The following CEP112 variants were observed in gnomAD, a reference collection of about 807,000 sequenced individuals.
The protein encoded by CEP112 is centrosomal protein 112.
CEP112 carries 127 observed loss-of-function variants against 153.0 expected under a neutral mutation model. That is an observed-to-expected ratio of 0.83 (90% CI 0.72 to 0.96). The LOEUF is 0.96. CEP112 is among the 40% of genes least tolerant of loss of function. The pLI, the probability that CEP112 is intolerant of heterozygous loss-of-function variation, is 0.00. For missense variants in CEP112, 1,089 were observed against 1,101.2 expected (o/e 0.99, Z 0.16); for synonymous variants, 358 against 374.4 (o/e 0.96, Z 0.51).
At chr17:65,953,387 C>G (rs1383069928) in intron 18 of CEP112, among the ~76,000 whole-genome samples, 1 of 152,158 alleles carries the variant, frequency 6.6e-6, no homozygotes, top group Non-Finnish European at 1.5e-5. Context: ...TATGGAGACT[C>G]ACATCGTGAA....
intron 17 of CEP112, among the ~76,000 whole-genome samples, chr17:65,998,352 C>T (rs2063869969): frequency 7.7e-6 from 1 of 129,298 alleles, no homozygotes; most frequent in South Asian, 2.4e-4. Context: ...CACTGCTGTC[C>T]AGCCTAGGTG....
chr17:65,909,674 AACAAACATTAAAT>A (rs1227041332), intron 19 of CEP112, among the ~76,000 whole-genome samples: 1 of 152,216 alleles, frequency 6.6e-6, no homozygotes, highest in Non-Finnish European at 1.5e-5. Flanking sequence ...AAAGAACAAA[AACAAACATTAAAT>A]ACAGAACATG....
intron 17 of CEP112, among the ~76,000 whole-genome samples, chr17:65,997,790 T>TC (rs5821560): frequency 5.3e-4 from 79 of 149,816 alleles, no homozygotes; most frequent in African/African-American, 1.7e-3. Flanking sequence ...ACCCTAAACA[T>TC]CCCCCCCCCC....
At chr17:66,030,251 G>A (rs2065406777) in intron 12 of CEP112, among the ~76,000 whole-genome samples, 1 of 152,112 alleles carries the variant, frequency 6.6e-6, no homozygotes, top group African/African-American at 2.4e-5. Flanking sequence ...TTAGCCTTTT[G>A]TTCATTTAAT....
intron 20 of CEP112, among the ~76,000 whole-genome samples, chr17:65,864,137 CAAA>C (rs71160507): frequency 7.3e-6 from 1 of 137,162 alleles, no homozygotes; most frequent in Non-Finnish European, 1.5e-5. Context: ...TGAGACTCCT[CAAA>C]AAAAAAAAAA....
intron 17 of CEP112, among the ~76,000 whole-genome samples, chr17:65,963,740 T>A (rs2062307227): frequency 6.6e-6 from 1 of 152,038 alleles, no homozygotes; most frequent in Admixed American, 6.6e-5. Context: ...CCCACCCCTG[T>A]ATTTGGGATC....
rs867079902 is a variant in CEP112, at chr17:65,937,832, G to A, written c.1873-10143C>T. Among the ~76,000 whole-genome samples, 203 of 108,110 alleles carry A rather than the reference G, an allele frequency of 1.9e-3. 27 individuals carry two copies. Among genetic ancestry groups the A allele is most frequent in the Admixed American group, 4.9e-3 (42 of 8,582 alleles). The allele number at this position is 108,110 out of a possible 152,430, so 70.9% of individuals were successfully genotyped here. On this transcript the variant is annotated intron_variant, in intron 18 of 26. Transcript: ENST00000535342. ...CCCCGCCCGGCCAGCCGCCCCGTCCGGGAGGTGAGGGGCGCCTCTGCCCGG... is the reference window on the plus strand; with the variant it reads ...CCCCGCCCGGCCAGCCGCCCCGTCCAGGAGGTGAGGGGCGCCTCTGCCCGG...
chr17:65,985,318 G>A (rs2063367554), intron 17 of CEP112, among the ~76,000 whole-genome samples: 1 of 152,084 alleles, frequency 6.6e-6, no homozygotes, highest in Non-Finnish European at 1.5e-5. Context: ...TTGGTACAAA[G>A]AAAACACCCT....
intron 19 of CEP112, among the ~76,000 whole-genome samples, chr17:65,912,133 A>G (rs2060312012): frequency 6.6e-6 from 1 of 152,164 alleles, no homozygotes; most frequent in Non-Finnish European, 1.5e-5. Context: ...TTCACTCATC[A>G]GTCTTGGACA....
At chr17:66,031,795 T>C (rs1048466698) in intron 12 of CEP112, among the ~76,000 whole-genome samples, 1 of 152,098 alleles carries the variant, frequency 6.6e-6, no homozygotes, top group African/African-American at 2.4e-5. Context: ...ACTTGAGAAC[T>C]TCTAAGGCAG....
At chr17:65,937,539 G>A (rs1271926415) in intron 18 of CEP112, among the ~76,000 whole-genome samples, 42 of 115,388 alleles carry the variant, frequency 3.6e-4, no homozygotes, top group East Asian at 2.1e-3. Flanking sequence ...CCCTCTGCCC[G>A]GCCAGCCGCC....
intron 8 of CEP112, among the ~76,000 whole-genome samples, chr17:66,086,721 T>C (rs2067952823): frequency 6.6e-6 from 1 of 151,958 alleles, no homozygotes; most frequent in Non-Finnish European, 1.5e-5. Flanking sequence ...AAGGAAAACA[T>C]ATGTTTATAG....
chr17:65,936,177 A>C (rs1489230026), intron 18 of CEP112, among the ~76,000 whole-genome samples: 2 of 152,196 alleles, frequency 1.3e-5, no homozygotes, highest in Non-Finnish European at 2.9e-5. Flanking sequence ...AGAACCTACC[A>C]CGACTGAGTC....
intron 17 of CEP112, among the ~76,000 whole-genome samples, chr17:65,980,955 T>G (rs1369965242): frequency 6.6e-6 from 1 of 152,050 alleles, no homozygotes; most frequent in Non-Finnish European, 1.5e-5. Flanking sequence ...TTTTTATGTT[T>G]TTAGTAGTGA....
intron 17 of CEP112, among the ~76,000 whole-genome samples, chr17:65,964,481 G>T (rs1207338932): frequency 6.6e-6 from 1 of 152,138 alleles, no homozygotes; most frequent in Non-Finnish European, 1.5e-5. Context: ...TACAAACATT[G>T]AATAATTTGT....
At chr17:65,815,537 A>T (rs1207452184) in intron 21 of CEP112, among the ~76,000 whole-genome samples, 1 of 152,120 alleles carries the variant, frequency 6.6e-6, no homozygotes, top group Non-Finnish European at 1.5e-5. Flanking sequence ...CAAATTCAAC[A>T]AGAAAACTGC....
chr17:65,976,737 T>TTC (rs10645177), intron 17 of CEP112, among the ~76,000 whole-genome samples: 68,864 of 135,738 alleles, frequency 0.51, 17,939 homozygotes, highest in African/African-American at 0.58. Context: ...AACTTTTTCT[T>TTC]TTTTTTTTTT....
At chr17:66,075,784 T>G (rs1406590946) in intron 8 of CEP112, among the ~76,000 whole-genome samples, 1 of 152,092 alleles carries the variant, frequency 6.6e-6, no homozygotes, top group Non-Finnish European at 1.5e-5. Context: ...CAAGAATGAC[T>G]GCAAGAATGA....
intron 23 of CEP112, among the ~76,000 whole-genome samples, chr17:65,705,614 C>G (rs1006163856): frequency 6.6e-6 from 1 of 152,112 alleles, no homozygotes; most frequent in Non-Finnish European, 1.5e-5. Flanking sequence ...TTCAATGACA[C>G]CACAAGGAAG....
Sources: gnomAD v4.1 joint callset for allele counts (sites outside exome capture counted in the v4.1 genomes callset) on GRCh38, gnomAD v4.1.1 for gene constraint, MANE v1.5 for transcripts, NCBI Gene and HGNC (gene_info 2026-07-23, HGNC 2026-07-21) for gene names.